Variants in TECTA observed in about 807,000 individuals in gnomAD.
TECTA encodes alpha-tectorin.
Under a neutral mutation model 216.8 loss-of-function variants are expected in TECTA, and 128 were observed. That is an observed-to-expected ratio of 0.59 (90% CI 0.51 to 0.68). TECTA has a LOEUF of 0.68. Among genes scored for constraint, TECTA ranks in the 30% least tolerant of loss-of-function variants. The pLI, the probability that TECTA is intolerant of heterozygous loss-of-function variation, is 0.00. For synonymous variants in TECTA, 1,089 were observed against 1,117.1 expected (o/e 0.97, Z 0.50); for missense variants, 2,551 against 2,786.2 (o/e 0.92, Z 1.90).
At chr11:121,119,016 C>CATACACAT (rs1565520068) in intron 7 of TECTA, among the ~76,000 whole-genome samples, 1 of 148,690 alleles carries the variant, frequency 6.7e-6, no homozygotes, top group Non-Finnish European at 1.5e-5. Context: ...CACACACACA[C>CATACACAT]ACACACACAC....
At chr11:121,189,438 A>G (rs1417233473) in intron 22 of TECTA, among the ~76,000 whole-genome samples, 2 of 151,206 alleles carry the variant, frequency 1.3e-5, no homozygotes, top group Non-Finnish European at 2.9e-5. Context: ...CGGTGGCGCA[A>G]TCTTGGCTCA....
At chr11:121,156,660 T>A (rs655008) in intron 13 of TECTA, among the ~76,000 whole-genome samples, 21,638 of 145,208 alleles carry the variant, frequency 0.15, 1,818 homozygotes, top group South Asian at 0.33. Context: ...TATTATTATT[T>A]TTATTATTAT....
Position 121,137,962 on chromosome 11 carries a change from G to A in TECTA, c.3483G>A (p.Val1161=), listed in dbSNP as rs1946748396. Residue 1161 remains valine (V), a synonymous_variant, in exon 11 of 24, where the codon GTG becomes GTA. Transcript: ENST00000392793. ...CACTGGCCTTGTGGGTTAAGCAGGT[G>A]GACGTGACCGTGTTTGGCTACAGCA... ...DPSLALWVKQ[V]DVTVFGYSIV... 6.2e-7 allele frequency: 1 copy of A among 1,612,998 alleles called. No homozygotes were observed. The highest frequency in any genetic ancestry group is 8.5e-7 in the Non-Finnish European group (1 of 1,179,066).
chr11:121,120,589 C>T (rs519116), intron 7 of TECTA, among the ~76,000 whole-genome samples: 40,256 of 152,156 alleles, frequency 0.26, 5,877 homozygotes, highest in Admixed American at 0.34. Context: ...ACACAGACCC[C>T]CCTTCTCCAG....
intron 3 of TECTA, 29 bp from the exon 4 acceptor site, chr11:121,109,182 A>T: frequency 6.2e-7 from 1 of 1,613,562 alleles, no homozygotes; most frequent in Non-Finnish European, 8.5e-7. Flanking sequence ...TTTCAGATCC[A>T]CTGTGCAAAA....
intron 14 of TECTA, 120 bp downstream of exon 14, chr11:121,158,344 C>T (rs1591459154): frequency 7.5e-7 from 1 of 1,340,144 alleles, no homozygotes; most frequent in East Asian, 2.3e-5. Context: ...CATGGTGTTC[C>T]ACACACAGTG....
intron 23 of TECTA, 108 bp downstream of exon 23, chr11:121,189,988 C>T (rs948373435): frequency 7.0e-6 from 6 of 862,986 alleles, no homozygotes; most frequent in African/African-American, 5.0e-5. Flanking sequence ...AACTCTCCCT[C>T]GAAAACTCCA....
Position 121,166,675 on chromosome 11 carries a change from G to A in TECTA, c.5481G>A (p.Arg1827=). The A allele has an allele frequency of 6.2e-7, 1 of 1,614,182 alleles. No individual in the cohort carries two copies. The highest frequency in any genetic ancestry group is 8.5e-7 in the Non-Finnish European group (1 of 1,180,044). ...AGCTCTTCCAGCTCGGTTTTGAGAG[G>A]GAGGGCGTGAGGATCAATGACAGAC... is the stretch of plus-strand genomic sequence containing the variant. ...KCKLFQLGFE[R]EGVRINDRQC... Residue 1827 remains arginine, a synonymous_variant, in exon 18 of 24, where the codon AGG becomes AGA. Transcript: ENST00000392793.
chr11:121,167,905 G>C, intron 18 of TECTA, 149 bp from the exon 19 acceptor site: 4 of 894,376 alleles, frequency 4.5e-6, no homozygotes, highest in Non-Finnish European at 7.2e-6. Context: ...CCAAGTAAAT[G>C]CTAAGGCTAG....
intron 14 of TECTA, among the ~76,000 whole-genome samples, chr11:121,159,455 T>C (rs1293873983): frequency 1.3e-5 from 2 of 152,194 alleles, no homozygotes; most frequent in African/African-American, 2.4e-5. Flanking sequence ...TATTTTAAGG[T>C]ATAAAAGCTA....
chr11:121,127,792 G>A lies in TECTA; in HGVS notation c.1815G>A (p.Val605=). Residue 605 remains valine (V), a synonymous_variant, in exon 9 of 24, where the codon GTG becomes GTA. Transcript: ENST00000392793. The surrounding 1 kb of genome is among the most constrained non-coding windows in gnomAD (Gnocchi z 5.0). ...GCCCGAGCTTCAGCCACTACTCCGTGTGCACAAGCAGCTGCCCCGACACAT... is the reference window on the plus strand; with the variant it reads ...GCCCGAGCTTCAGCCACTACTCCGTATGCACAAGCAGCTGCCCCGACACAT... ...VQCPSFSHYS[V]CTSSCPDTCS... is the part of the protein sequence containing the mutation. The A allele has an allele frequency of 6.2e-7, 1 of 1,614,194 alleles. No homozygotes were observed. The highest frequency in any genetic ancestry group is 8.5e-7 in the Non-Finnish European group (1 of 1,180,044).
intron 4 of TECTA, among the ~76,000 whole-genome samples, chr11:121,111,301 A>C (rs975885883): frequency 9.9e-5 from 15 of 152,236 alleles, no homozygotes; most frequent in Non-Finnish European, 1.8e-4. Context: ...GGCAAGAAAA[A>C]GAATAGGATT....
Position 121,157,998 on chromosome 11 carries a change from TGGCGGCC to T in TECTA, c.4470_4476del (p.Gly1491AlafsTer72). On this transcript the variant is annotated frameshift_variant, in exon 14 of 24. Coordinates refer to ENST00000392793, the MANE Select transcript of TECTA (RefSeq NM_005422.4). LOFTEE classifies it high-confidence loss of function. ...TTCAGCACCAAGACCTCCTACTGCCTGGCGGCCGGCGGCGGCGTCTTCCGCACCTTCG... is the reference window on the plus strand; with the variant it reads ...TTCAGCACCAAGACCTCCTACTGCCTGGCGGCGGCGTCTTCCGCACCTTCG... The T allele has an allele frequency of 3.7e-6, 6 of 1,613,168 alleles. No homozygotes were observed. The highest frequency in any genetic ancestry group is 5.1e-6 in the Non-Finnish European group (6 of 1,179,948).
chr11:121,173,009 G>C (rs980601551), intron 20 of TECTA, among the ~76,000 whole-genome samples: 57 of 150,234 alleles, frequency 3.8e-4, no homozygotes, highest in African/African-American at 1.4e-3. Flanking sequence ...GTCTGTTCAT[G>C]TCCTTCACCC....
At chr11:121,129,594 C>G in intron 9 of TECTA, 44 bp from the exon 10 acceptor site, 2 of 1,592,190 alleles carry the variant, frequency 1.3e-6, no homozygotes, top group Non-Finnish European at 1.7e-6. Context: ...ATGGAAAGTG[C>G]TCTGTGTGTC....
At chr11:121,175,399 T>C (rs540320926) in intron 20 of TECTA, among the ~76,000 whole-genome samples, 1 of 152,230 alleles carries the variant, frequency 6.6e-6, no homozygotes, top group Non-Finnish European at 1.5e-5. Flanking sequence ...TGTGTCTTTA[T>C]TCTCGTTGGT....
chr11:121,152,413 A>T (rs1011276111), intron 12 of TECTA, among the ~76,000 whole-genome samples: 1 of 152,262 alleles, frequency 6.6e-6, no homozygotes, highest in African/African-American at 2.4e-5. Context: ...TACATGGGTA[A>T]GGTGGGACTC....
chr11:121,130,186 G>T lies in TECTA; in HGVS notation c.2916G>T (p.Gly972=). ...SACKNADVEV[G]PWRTYDFCPL... is the part of the protein sequence containing the mutation. ...GCAAGAATGCGGACGTGGAGGTGGG[G>T]CCCTGGCGGACCTATGACTTCTGCC... The change falls in exon 10 of 24, where the codon GGG becomes GGT. Residue 972 remains glycine (G), a synonymous_variant. Coordinates refer to ENST00000392793, the MANE Select transcript of TECTA (RefSeq NM_005422.4). 6.2e-7 allele frequency: 1 copy of T among 1,601,550 alleles called. No individual in the cohort carries two copies. The highest frequency in any genetic ancestry group is 8.5e-7 in the Non-Finnish European group (1 of 1,179,958).
intron 7 of TECTA, among the ~76,000 whole-genome samples, chr11:121,121,740 A>G (rs1038091697): frequency 1.3e-5 from 2 of 152,182 alleles, no homozygotes; most frequent in African/African-American, 2.4e-5. Context: ...AGCCTACCCC[A>G]TGGCTTCTGC....
Sources: gnomAD v4.1 joint callset for allele counts (sites outside exome capture counted in the v4.1 genomes callset) on GRCh38, gnomAD v4.1.1 for gene constraint, Gnocchi (gnomAD v3.1) non-coding constraint, MANE v1.5 for transcripts, NCBI Gene and HGNC (gene_info 2026-07-23, HGNC 2026-07-21) for gene names.